The following CAMTA1 variants were observed in gnomAD, a reference collection of about 807,000 sequenced individuals.
The protein encoded by CAMTA1 is calmodulin binding transcription activator 1, also known as calmodulin-binding transcription activator 1.
CAMTA1 carries 27 observed loss-of-function variants against 170.9 expected under a neutral mutation model. The observed-to-expected ratio is 0.16, with a 90% CI of 0.12 to 0.22. The LOEUF is 0.22. CAMTA1 is among the 10% of genes least tolerant of loss of function. CAMTA1 has a pLI of 1.00. For synonymous variants in CAMTA1, 833 were observed against 891.5 expected (o/e 0.93, Z 1.17); for missense variants, 1,619 against 2,217.2 (o/e 0.73, Z 5.42).
At chr1:6,952,147 T>C (rs763002592) in intron 3 of CAMTA1, among the ~76,000 whole-genome samples, 1 of 152,088 alleles carries the variant, frequency 6.6e-6, no homozygotes, top group South Asian at 2.1e-4. Context: ...TGGGATAACA[T>C]AGGCCGGGCA....
intron 4 of CAMTA1, among the ~76,000 whole-genome samples, chr1:7,137,252 A>G (rs1382029375): frequency 6.6e-6 from 1 of 152,192 alleles, no homozygotes; most frequent in Admixed American, 6.5e-5. Flanking sequence ...CACTGCTTTC[A>G]CTAGAGTCTA....
At chr1:6,888,081 C>A in intron 3 of CAMTA1, 1 of 1,033,322 alleles carries the variant, frequency 9.7e-7, no homozygotes, top group Non-Finnish European at 1.2e-6. Flanking sequence ...AGTCAGTTAC[C>A]ACCTGTCTCA....
intron 4 of CAMTA1, among the ~76,000 whole-genome samples, chr1:7,172,279 A>G (rs1445395827): frequency 6.6e-6 from 1 of 152,048 alleles, no homozygotes; most frequent in East Asian, 1.9e-4. Context: ...CCTCCTGAGT[A>G]GCTGGGATTA....
chr1:7,254,391 G>A (rs1667062827), intron 5 of CAMTA1, among the ~76,000 whole-genome samples: 1 of 152,246 alleles, frequency 6.6e-6, no homozygotes, highest in Non-Finnish European at 1.5e-5. Flanking sequence ...CACTGAGCCT[G>A]TTCTGTGGCA....
At position 7,765,325 on chromosome 1, in the gene CAMTA1, A is replaced by T. The variant is rs186396841; in HGVS notation, c.4990-1134A>T. Among the ~76,000 whole-genome samples, 140 of 152,298 alleles carry T rather than the reference A, an allele frequency of 9.2e-4. 1 individual carries two copies. The highest frequency in any genetic ancestry group is 1.6e-3 in the Non-Finnish European group (111 of 68,022). On this transcript the variant is annotated intron_variant, in intron 22 of 22. Coordinates refer to ENST00000303635, the MANE Select transcript of CAMTA1 (RefSeq NM_015215.4). ...CAGACAGCAGCTTCCCCAGCACCCC[A>T]TCTACATCAGGTGGCCATATCCAAA...
intron 5 of CAMTA1, among the ~76,000 whole-genome samples, chr1:7,252,706 G>A (rs1270284592): frequency 6.6e-6 from 1 of 152,228 alleles, no homozygotes; most frequent in Non-Finnish European, 1.5e-5. Context: ...CTCTTCTGCT[G>A]GTTGGGGTGG....
chr1:7,378,203 C>T (rs961724653), intron 5 of CAMTA1, among the ~76,000 whole-genome samples: 14 of 152,168 alleles, frequency 9.2e-5, no homozygotes, highest in African/African-American at 3.1e-4. Flanking sequence ...TTGATCTATG[C>T]ACTGTAGCAC....
At chr1:6,919,439 C>G (rs1489525576) in intron 3 of CAMTA1, among the ~76,000 whole-genome samples, 1 of 152,184 alleles carries the variant, frequency 6.6e-6, no homozygotes, top group African/African-American at 2.4e-5. Context: ...GGTGTCTGAG[C>G]TGACAAGCCA....
chr1:7,031,785 C>A (rs2412213), intron 3 of CAMTA1, among the ~76,000 whole-genome samples: 81,629 of 151,584 alleles, frequency 0.54, 22,254 homozygotes, highest in Non-Finnish European at 0.58. Flanking sequence ...TTGTGATCTG[C>A]CCACCTTGGC....
intron 5 of CAMTA1, among the ~76,000 whole-genome samples, chr1:7,323,603 G>A (rs1238862827): frequency 2.8e-5 from 4 of 142,416 alleles, no homozygotes; most frequent in Non-Finnish European, 6.0e-5. Context: ...GCTCACTGCA[G>A]CCTCCACTTC....
At chr1:7,111,545 G>A (rs186875336) in intron 4 of CAMTA1, among the ~76,000 whole-genome samples, 36 of 152,234 alleles carry the variant, frequency 2.4e-4, no homozygotes, top group Non-Finnish European at 2.9e-4. Flanking sequence ...GACACATGAC[G>A]GCTGATGAAC....
intron 3 of CAMTA1, among the ~76,000 whole-genome samples, chr1:6,904,451 C>G (rs2149231436): frequency 6.6e-6 from 1 of 152,196 alleles, no homozygotes; most frequent in East Asian, 1.9e-4. Context: ...GCTCTCTGGA[C>G]TGTTTTCTGA....
intron 4 of CAMTA1, among the ~76,000 whole-genome samples, chr1:7,172,469 A>C (rs992099220): frequency 1.3e-5 from 2 of 152,178 alleles, no homozygotes; most frequent in Non-Finnish European, 2.9e-5. Context: ...TTCTTAATCC[A>C]GGAGAGCTTC....
intron 6 of CAMTA1, among the ~76,000 whole-genome samples, chr1:7,559,128 G>A (rs774397513): frequency 2.6e-5 from 4 of 152,318 alleles, no homozygotes; most frequent in Non-Finnish European, 4.4e-5. Flanking sequence ...AGCTGGCACC[G>A]GTGGTGCTGT....
At chr1:7,201,265 A>C (rs1033048802) in intron 4 of CAMTA1, among the ~76,000 whole-genome samples, 1 of 152,232 alleles carries the variant, frequency 6.6e-6, no homozygotes, top group African/African-American at 2.4e-5. Context: ...ATATTTCATT[A>C]TATGGATATA....
At chr1:6,873,794 G>A (rs1213619688) in intron 3 of CAMTA1, among the ~76,000 whole-genome samples, 2 of 152,188 alleles carry the variant, frequency 1.3e-5, no homozygotes, top group Non-Finnish European at 2.9e-5. Context: ...TATTTGGTTA[G>A]CATTTAGGAC....
intron 6 of CAMTA1, among the ~76,000 whole-genome samples, chr1:7,538,695 C>T (rs1306632763): frequency 6.6e-6 from 1 of 152,182 alleles, no homozygotes; most frequent in Non-Finnish European, 1.5e-5. Flanking sequence ...GACCTCAGAC[C>T]CCAACAAACT....
chr1:7,190,444 T>C (rs1315428279), intron 4 of CAMTA1, among the ~76,000 whole-genome samples: 1 of 152,150 alleles, frequency 6.6e-6, no homozygotes, highest in Non-Finnish European at 1.5e-5. Flanking sequence ...CTTATACGTG[T>C]GTAGAAAATA....
chr1:7,123,132 C>T, intron 4 of CAMTA1, among the ~76,000 whole-genome samples: 1 of 152,178 alleles, frequency 6.6e-6, no homozygotes, highest in East Asian at 1.9e-4. Context: ...CAAGTTTCCA[C>T]ATCTGGGTAG....
Sources: gnomAD v4.1 joint callset for allele counts (sites outside exome capture counted in the v4.1 genomes callset) on GRCh38, gnomAD v4.1.1 for gene constraint, MANE v1.5 for transcripts, NCBI Gene and HGNC (gene_info 2026-07-23, HGNC 2026-07-21) for gene names.